The following IL1RAPL2 variants were observed in gnomAD, a reference collection of about 807,000 sequenced individuals.
IL1RAPL2 encodes the protein X-linked interleukin-1 receptor accessory protein-like 2.
IL1RAPL2 carries 3 observed loss-of-function variants against 44.1 expected under a neutral mutation model. The ratio of observed to expected loss-of-function variants is 0.07; its 90% confidence interval spans 0.03 to 0.18. The LOEUF is 0.18. IL1RAPL2 is among the 10% of genes least tolerant of loss of function. IL1RAPL2 has a pLI of 1.00. For missense variants in IL1RAPL2, 391 were observed against 496.4 expected, an observed-to-expected ratio of 0.79 and a Z score of 2.02; for synonymous variants, 181 against 178.8, an observed-to-expected ratio of 1.01 and a Z score of -0.10.
chrX:104,812,030 G>A (rs1032695881), intron 2 of IL1RAPL2, among the ~76,000 whole-genome samples: 1 of 111,219 alleles, frequency 9.0e-6, no homozygotes, highest in Non-Finnish European at 1.9e-5. Context: ...AAAATGCAGA[G>A]TTTACTATGA....
intron 2 of IL1RAPL2, among the ~76,000 whole-genome samples, chrX:105,158,518 C>T (rs1056335728): frequency 2.7e-5 from 3 of 112,182 alleles, no homozygotes; most frequent in Non-Finnish European, 5.6e-5. Context: ...GGTGCAGACA[C>T]GAAACCTGAG....
intron 2 of IL1RAPL2, among the ~76,000 whole-genome samples, chrX:104,932,745 T>C (rs1344784999): frequency 2.7e-5 from 3 of 112,286 alleles, no homozygotes; most frequent in Non-Finnish European, 5.6e-5. Flanking sequence ...AATATGGAAA[T>C]TAAAGCCAAT....
At chrX:105,149,528 C>T (rs758714586) in intron 2 of IL1RAPL2, among the ~76,000 whole-genome samples, 4 of 111,277 alleles carry the variant, frequency 3.6e-5, no homozygotes, top group Non-Finnish European at 3.8e-5. Context: ...TATATTAAGG[C>T]GGTATACAAA....
intron 2 of IL1RAPL2, among the ~76,000 whole-genome samples, chrX:104,895,875 C>T (rs1001882933): frequency 8.9e-6 from 1 of 111,816 alleles, no homozygotes; most frequent in Non-Finnish European, 1.9e-5. Context: ...TTCTGCGTCA[C>T]TCACACTGGG....
chrX:104,947,903 CT>C (rs1219864603), intron 2 of IL1RAPL2, among the ~76,000 whole-genome samples: 1 of 111,718 alleles, frequency 9.0e-6, no homozygotes, highest in African/African-American at 3.3e-5. Flanking sequence ...GATGTGGGCT[CT>C]TTTTTGGTTC....
intron 7 of IL1RAPL2, among the ~76,000 whole-genome samples, chrX:105,740,013 G>A (rs1295178423): frequency 9.8e-6 from 1 of 101,949 alleles, no homozygotes; most frequent in Non-Finnish European, 2.0e-5. Flanking sequence ...AGCACCTGTT[G>A]TTTCCTGACT....
chrX:104,761,355 CAAG>C (rs926514947), intron 2 of IL1RAPL2, among the ~76,000 whole-genome samples: 5 of 110,764 alleles, frequency 4.5e-5, no homozygotes, highest in Admixed American at 2.9e-4. Context: ...TTCACTATCA[CAAG>C]AACAGCAGCA....
At chrX:105,549,956 T>C (rs974299351) in intron 6 of IL1RAPL2, among the ~76,000 whole-genome samples, 3 of 112,331 alleles carry the variant, frequency 2.7e-5, no homozygotes, top group South Asian at 7.3e-4. Context: ...TTCTAGATGC[T>C]TCCCTAAAAT....
chrX:105,247,150 CTCTA>C (rs2034226365), intron 4 of IL1RAPL2, among the ~76,000 whole-genome samples: 2 of 111,531 alleles, frequency 1.8e-5, no homozygotes, highest in Admixed American at 1.9e-4. Context: ...TCTATCTGAA[CTCTA>C]TCTGTTAGCA....
chrX:105,077,475 CA>C (rs1409981781), intron 2 of IL1RAPL2, among the ~76,000 whole-genome samples: 1 of 111,480 alleles, frequency 9.0e-6, no homozygotes, highest in Admixed American at 9.6e-5. Context: ...CTGCCCTTAA[CA>C]TTTTTTCCTT....
intron 5 of IL1RAPL2, among the ~76,000 whole-genome samples, chrX:105,451,557 A>G (rs1337969388): frequency 8.9e-6 from 1 of 111,868 alleles, no homozygotes; most frequent in East Asian, 2.8e-4. Context: ...AGTTGTAAGT[A>G]TCTCTTAGCC....
At chrX:105,277,849 GA>G (rs1388645090) in intron 5 of IL1RAPL2, among the ~76,000 whole-genome samples, 2 of 106,233 alleles carry the variant, frequency 1.9e-5, no homozygotes, top group East Asian at 3.0e-4. Flanking sequence ...GAGGATCACT[GA>G]AAAAAAAAGG....
At chrX:104,894,550 T>G (rs927871213) in intron 2 of IL1RAPL2, among the ~76,000 whole-genome samples, 1 of 112,113 alleles carries the variant, frequency 8.9e-6, no homozygotes, top group African/African-American at 3.2e-5. Context: ...CTTCCATCAC[T>G]GATATCTTTT....
intron 5 of IL1RAPL2, among the ~76,000 whole-genome samples, chrX:105,477,591 G>A (rs2036206266): frequency 8.9e-6 from 1 of 111,883 alleles, no homozygotes; most frequent in Admixed American, 9.5e-5. Context: ...GCTAAGCTTG[G>A]CAAATCTCCA....
intron 5 of IL1RAPL2, among the ~76,000 whole-genome samples, chrX:105,441,009 C>T (rs1259006410): frequency 8.9e-6 from 1 of 111,920 alleles, no homozygotes; most frequent in Non-Finnish European, 1.9e-5. Context: ...AACTGTGAGT[C>T]CATTAAACCT....
chrX:105,337,171 T>C (rs1335606440), intron 5 of IL1RAPL2, among the ~76,000 whole-genome samples: 1 of 112,385 alleles, frequency 8.9e-6, no homozygotes, highest in African/African-American at 3.2e-5. Context: ...TTTTATATAA[T>C]AGATAGTTAG....
chrX:104,672,456 A>G (rs1468516343), intron 2 of IL1RAPL2, among the ~76,000 whole-genome samples: 1 of 109,259 alleles, frequency 9.2e-6, no homozygotes, highest in East Asian at 2.9e-4. Flanking sequence ...ATAGTATTCC[A>G]TGGTGTATAT....
At chrX:105,752,657 T>A (rs150770483) in intron 9 of IL1RAPL2, among the ~76,000 whole-genome samples, 1 of 112,585 alleles carries the variant, frequency 8.9e-6, no homozygotes, top group Non-Finnish European at 1.9e-5. Context: ...CAGGCCTTGC[T>A]GTTAACCTTA....
intron 2 of IL1RAPL2, among the ~76,000 whole-genome samples, chrX:105,100,883 C>T (rs1242562971): frequency 2.7e-5 from 3 of 112,412 alleles, no homozygotes; most frequent in Non-Finnish European, 5.6e-5. Context: ...TGAAGTTTAA[C>T]TTGCTGAAGG....
Sources: gnomAD v4.1 joint callset for allele counts (sites outside exome capture counted in the v4.1 genomes callset) on GRCh38, gnomAD v4.1.1 for gene constraint, MANE v1.5 for transcripts, NCBI Gene and HGNC (gene_info 2026-07-23, HGNC 2026-07-21) for gene names.